Variants in CDH4 observed in about 807,000 individuals in gnomAD.
The protein encoded by CDH4 is cadherin 4.
In CDH4, 33 loss-of-function variants were observed where a neutral mutation model predicts 86.0. The observed-to-expected ratio is 0.38, with a 90% CI of 0.29 to 0.51. The LOEUF is 0.51. Ranked by LOEUF, CDH4 falls within the 20% of genes least tolerant of loss-of-function variation. The pLI is 0.86. For synonymous variants in CDH4, 555 were observed against 549.4 expected, an observed-to-expected ratio of 1.01 and a Z score of -0.14; for missense variants, 1,114 against 1,307.4, an observed-to-expected ratio of 0.85 and a Z score of 2.28.
At chr20:61,280,587 G>C (rs781211077) in intron 2 of CDH4, among the ~76,000 whole-genome samples, 7 of 152,224 alleles carry the variant, frequency 4.6e-5, no homozygotes, top group Non-Finnish European at 1.0e-4. Context: ...GAAAAATACT[G>C]TGTTTATTTA....
At chr20:61,276,407 A>G (rs968691273) in intron 2 of CDH4, among the ~76,000 whole-genome samples, 1 of 152,176 alleles carries the variant, frequency 6.6e-6, no homozygotes, top group Non-Finnish European at 1.5e-5. Flanking sequence ...GGTTAGACTC[A>G]ATGTAAGTAG....
intron 2 of CDH4, chr20:61,570,801 T>G: frequency 1.4e-6 from 1 of 702,102 alleles, no homozygotes; most frequent in Non-Finnish European, 2.6e-6. Context: ...CTAATTACCT[T>G]CTCTGCCGCG....
At chr20:61,430,719 A>C (rs932445137) in intron 2 of CDH4, among the ~76,000 whole-genome samples, 1 of 152,176 alleles carries the variant, frequency 6.6e-6, no homozygotes, top group African/African-American at 2.4e-5. Flanking sequence ...TGATATGCAA[A>C]GCAGCTGCTC....
intron 2 of CDH4, among the ~76,000 whole-genome samples, chr20:61,700,494 G>A (rs1011525419): frequency 1.3e-5 from 2 of 152,316 alleles, no homozygotes; most frequent in African/African-American, 4.8e-5. Context: ...TTCCTTGGTA[G>A]CACGTCAGCC....
intron 3 of CDH4, among the ~76,000 whole-genome samples, chr20:61,744,418 G>C (rs553880448): frequency 4.0e-4 from 53 of 131,822 alleles, no homozygotes; most frequent in Non-Finnish European, 6.4e-4. Context: ...TGGAGGGAGA[G>C]AGAGAAGGAA....
intron 2 of CDH4, among the ~76,000 whole-genome samples, chr20:61,714,057 T>TG (rs2087924909): frequency 6.7e-6 from 1 of 148,838 alleles, no homozygotes; most frequent in Admixed American, 6.7e-5. Context: ...TTTTATTTTA[T>TG]TTTATTTGAG....
intron 2 of CDH4, among the ~76,000 whole-genome samples, chr20:61,330,546 G>A (rs2123260892): frequency 1.3e-5 from 2 of 152,340 alleles, no homozygotes; most frequent in East Asian, 3.9e-4. Context: ...TAAGATTCAA[G>A]TCGTTGTAGG....
At chr20:61,772,537 T>C (rs1272567942) in intron 3 of CDH4, among the ~76,000 whole-genome samples, 2 of 152,250 alleles carry the variant, frequency 1.3e-5, no homozygotes, top group Admixed American at 6.5e-5. Context: ...CTAAGAGTGC[T>C]TTATATGGTG....
At chr20:61,926,449 C>T (rs980642278) in intron 11 of CDH4, among the ~76,000 whole-genome samples, 14 of 152,360 alleles carry the variant, frequency 9.2e-5, no homozygotes, top group African/African-American at 3.4e-4. Context: ...CTGCCAGGGT[C>T]CACAGAGCCC....
intron 2 of CDH4, among the ~76,000 whole-genome samples, chr20:61,430,506 T>G (rs1438221500): frequency 6.6e-6 from 1 of 152,178 alleles, no homozygotes; most frequent in Non-Finnish European, 1.5e-5. Flanking sequence ...CTTATCACCC[T>G]TTATGTGCAG....
intron 3 of CDH4, among the ~76,000 whole-genome samples, chr20:61,766,485 C>T (rs1054472923): frequency 7.9e-5 from 12 of 152,156 alleles, no homozygotes; most frequent in Admixed American, 7.8e-4. Flanking sequence ...AGGTTTCTTC[C>T]GACAGCAGGG....
chr20:61,432,774 C>T (rs983987528), intron 2 of CDH4, among the ~76,000 whole-genome samples: 23 of 151,652 alleles, frequency 1.5e-4, no homozygotes, highest in Non-Finnish European at 3.2e-4. Context: ...TCAAAGTCAC[C>T]TCATGTTTTC....
intron 2 of CDH4, among the ~76,000 whole-genome samples, chr20:61,735,017 C>T (rs6142845): frequency 0.11 from 16,481 of 152,232 alleles, 1,187 homozygotes; most frequent in South Asian, 0.2. Context: ...TGGCCCCTCC[C>T]GGCAAGCACC....
At chr20:61,447,186 T>A (rs987435062) in intron 2 of CDH4, among the ~76,000 whole-genome samples, 3 of 152,198 alleles carry the variant, frequency 2.0e-5, no homozygotes, top group Non-Finnish European at 2.9e-5. Flanking sequence ...AGACGGAGTC[T>A]CACTCTGTCA....
chr20:61,453,477 G>A (rs2085391100), intron 2 of CDH4, among the ~76,000 whole-genome samples: 1 of 152,124 alleles, frequency 6.6e-6, no homozygotes, highest in African/African-American at 2.4e-5. Flanking sequence ...CTCATGGGAG[G>A]AGGATGCTAT....
chr20:61,369,772 C>CT (rs2123333057), intron 2 of CDH4: 1 of 151,348 alleles, frequency 6.6e-6, no homozygotes, highest in South Asian at 2.1e-4. Context: ...AGGGACAGGG[C>CT]TCGGGGGCAC....
In CDH4 at chr20:61,902,599, C is replaced by T. The variant is rs1043746411; in HGVS notation, c.1188+7552C>T. Among the ~76,000 whole-genome samples, 1 of 152,180 alleles carries T rather than the reference C, an allele frequency of 6.6e-6. No individual in the cohort carries two copies. The highest frequency in any genetic ancestry group is 2.4e-5 in the African/African-American group (1 of 41,438). On this transcript the variant is annotated intron_variant, in intron 8 of 15. Coordinates refer to ENST00000614565, the MANE Select transcript of CDH4 (RefSeq NM_001794.5). The surrounding 1 kb of genome is among the most constrained non-coding windows in gnomAD (Gnocchi z 4.6). ...TGCCGGAAGGTCTCCGTGGCAACTC[C>T]GAAACTCCGCCATTGTAGGACAAAA...
chr20:61,604,242 C>T (rs2086625217), intron 2 of CDH4, among the ~76,000 whole-genome samples: 1 of 152,222 alleles, frequency 6.6e-6, no homozygotes, highest in African/African-American at 2.4e-5. Flanking sequence ...TCCGGAGTAA[C>T]AGGCCCAAAA....
At chr20:61,649,949 A>C (rs1424479840) in intron 2 of CDH4, among the ~76,000 whole-genome samples, 3 of 152,142 alleles carry the variant, frequency 2.0e-5, no homozygotes, top group Admixed American at 6.5e-5. Flanking sequence ...TGAGAGTGTG[A>C]AACTCACTGC....
Sources: gnomAD v4.1 joint callset for allele counts (sites outside exome capture counted in the v4.1 genomes callset) on GRCh38, gnomAD v4.1.1 for gene constraint, Gnocchi (gnomAD v3.1) non-coding constraint, MANE v1.5 for transcripts, NCBI Gene and HGNC (gene_info 2026-07-23, HGNC 2026-07-21) for gene names.